The following ABHD18 variants were observed in gnomAD, a reference collection of about 807,000 sequenced individuals.
ABHD18 encodes abhydrolase domain containing 18.
In ABHD18, 55 loss-of-function variants were observed where a neutral mutation model predicts 65.9. That is an observed-to-expected ratio of 0.84 (90% confidence interval 0.67 to 1.05). The LOEUF is 1.05. ABHD18 is among the 50% of genes least tolerant of loss of function. The pLI, the probability that ABHD18 is intolerant of heterozygous loss-of-function variation, is 0.00. For synonymous variants in ABHD18, 181 were observed against 180.2 expected, an observed-to-expected ratio of 1.00 and a Z score of -0.04; for missense variants, 533 against 558.5, an observed-to-expected ratio of 0.95 and a Z score of 0.46.
chr4:127,998,853 T>C (rs1456868792), intron 4 of ABHD18, among the ~76,000 whole-genome samples: 1 of 152,184 alleles, frequency 6.6e-6, no homozygotes, highest in African/African-American at 2.4e-5. Flanking sequence ...AGCTTGTCTT[T>C]AACTCTGCCA....
chr4:128,001,543 A>G (rs551723374), intron 4 of ABHD18, among the ~76,000 whole-genome samples: 2 of 152,282 alleles, frequency 1.3e-5, no homozygotes, highest in South Asian at 2.1e-4. Flanking sequence ...AGCTTCTGAT[A>G]CTTTTTTCAT....
intron 7 of ABHD18, among the ~76,000 whole-genome samples, chr4:128,012,833 A>G (rs1354867573): frequency 6.6e-6 from 1 of 152,092 alleles, no homozygotes; most frequent in Non-Finnish European, 1.5e-5. Context: ...TGGGAGGCCA[A>G]GGTGGGTGGA....
At chr4:128,021,280 G>C in intron 10 of ABHD18, 42 bp downstream of exon 10, 1 of 1,145,740 alleles carries the variant, frequency 8.7e-7, no homozygotes, top group Non-Finnish European at 1.3e-6. Flanking sequence ...GGTGGGGGGA[G>C]TTGATTGTAT....
chr4:127,989,682 A>C (rs767455352), intron 3 of ABHD18, 39 bp from the exon 4 acceptor site: 1 of 1,335,948 alleles, frequency 7.5e-7, no homozygotes, highest in East Asian at 2.5e-5. Flanking sequence ...AAGATATCTT[A>C]GTTTTCTTGC....
chr4:127,974,202 T>G lies in ABHD18; in HGVS notation c.-18+8596T>G, dbSNP rs532683358. On this transcript the variant is annotated intron_variant, in intron 1 of 12. Transcript: ENST00000645843. Reference sequence around the variant, plus strand: ...CCTTAAGTTCTGTTTTTTTTTTTTTTTTTTTTTTTTTTTGAGACAGAGTCT... The same window carrying G: ...CCTTAAGTTCTGTTTTTTTTTTTTTGTTTTTTTTTTTTTGAGACAGAGTCT... 4.5e-4 allele frequency among the ~76,000 whole-genome samples: 65 copies of G among 145,064 alleles called. 1 individual carries two copies. The highest frequency in any genetic ancestry group is 1.3e-3 in the African/African-American group (52 of 39,098).
chr4:128,033,987 T>C (rs1758582905), intron 12 of ABHD18, among the ~76,000 whole-genome samples: 1 of 133,874 alleles, frequency 7.5e-6, no homozygotes, highest in African/African-American at 2.9e-5. Flanking sequence ...TGAGCTGGAG[T>C]CTTGCTTGTC....
At chr4:127,993,878 T>C (rs989980715) in intron 4 of ABHD18, among the ~76,000 whole-genome samples, 1 of 152,238 alleles carries the variant, frequency 6.6e-6, no homozygotes, top group African/African-American at 2.4e-5. Flanking sequence ...CATAAGTTGC[T>C]AAACATGGAA....
At chr4:127,984,254 A>G (rs1749580904) in intron 2 of ABHD18, 85 bp from the exon 3 acceptor site, 1 of 655,314 alleles carries the variant, frequency 1.5e-6, no homozygotes, top group Non-Finnish European at 2.5e-6. Context: ...ATTTTTAATT[A>G]CTGTTAATCA....
At chr4:128,028,389 A>G (rs1386879280) in intron 10 of ABHD18, 86 bp from the exon 11 acceptor site, 11 of 1,012,798 alleles carry the variant, frequency 1.1e-5, no homozygotes, top group East Asian at 2.9e-5. Flanking sequence ...ATTGATGGAC[A>G]TTTGTCTTTT....
intron 8 of ABHD18, among the ~76,000 whole-genome samples, chr4:128,019,700 A>T (rs557752070): frequency 1.3e-5 from 2 of 152,158 alleles, no homozygotes; most frequent in Non-Finnish European, 2.9e-5. Flanking sequence ...TACTCAGTCA[A>T]CCTCAATGGT....
intron 1 of ABHD18, among the ~76,000 whole-genome samples, chr4:127,971,016 A>G (rs1033446902): frequency 4.6e-5 from 7 of 151,642 alleles, no homozygotes; most frequent in Non-Finnish European, 5.9e-5. Flanking sequence ...CGGAGTTTGC[A>G]GTGAGCTGAG....
intron 1 of ABHD18, among the ~76,000 whole-genome samples, chr4:127,967,942 C>A (rs1039443888): frequency 6.6e-6 from 1 of 152,156 alleles, no homozygotes; most frequent in African/African-American, 2.4e-5. Context: ...AAACAAACAG[C>A]CGGGCGCGGT....
At chr4:127,990,289 A>C (rs953965493) in intron 4 of ABHD18, among the ~76,000 whole-genome samples, 1 of 152,206 alleles carries the variant, frequency 6.6e-6, no homozygotes, top group Non-Finnish European at 1.5e-5. Context: ...TAGGTCAAGC[A>C]TGGTGGCTTA....
chr4:128,022,699 T>C (rs1158800233), intron 10 of ABHD18, among the ~76,000 whole-genome samples: 1 of 152,144 alleles, frequency 6.6e-6, no homozygotes, highest in African/African-American at 2.4e-5. Context: ...TGATTTTTTT[T>C]CTGTAATTTA....
At chr4:128,031,480 T>G (rs996036631) in intron 12 of ABHD18, among the ~76,000 whole-genome samples, 2 of 151,976 alleles carry the variant, frequency 1.3e-5, no homozygotes, top group African/African-American at 4.8e-5. Flanking sequence ...AAAAAAAAAT[T>G]TTTTTATGCT....
chr4:128,037,136 A>C lies in ABHD18; in HGVS notation c.*1323A>C, dbSNP rs1758952477. ...TCCATCTCAAAAAAAAAAAAAAAAAAAAAAAAAAATTAAGCCGGGCATGGT... is the reference window on the plus strand; with the variant it reads ...TCCATCTCAAAAAAAAAAAAAAAAACAAAAAAAAATTAAGCCGGGCATGGT... On this transcript the variant is annotated 3_prime_UTR_variant, in exon 13 of 13. Transcript: ENST00000645843. The C allele has an allele frequency of 6.7e-6, 1 of 149,740 alleles. No homozygotes were observed. The highest frequency in any genetic ancestry group is 1.4e-5 in the Non-Finnish European group (1 of 69,056). 9.3% of individuals were successfully genotyped at this position (149,740 alleles called of 1,614,324 possible).
chr4:127,965,744 G>A (rs1745110305), intron 1 of ABHD18, 138 bp downstream of exon 1: 1 of 163,346 alleles, frequency 6.1e-6, no homozygotes, highest in Non-Finnish European at 1.4e-5. Context: ...CGCGGGGTGA[G>A]GCTGGGGGTG....
intron 4 of ABHD18, 110 bp downstream of exon 4, chr4:127,989,931 T>C (rs989711074): frequency 3.6e-4 from 210 of 591,100 alleles, no homozygotes; most frequent in Middle Eastern, 2.2e-3. Context: ...GCCTAAATTA[T>C]TGAAAAGGCT....
At chr4:127,997,529 C>T (rs1386797642) in intron 4 of ABHD18, among the ~76,000 whole-genome samples, 1 of 152,172 alleles carries the variant, frequency 6.6e-6, no homozygotes, top group Non-Finnish European at 1.5e-5. Context: ...TTAGAGTTTC[C>T]TTGAATCTCA....
Sources: allele counts gnomAD v4.1 joint callset (sites outside exome capture counted in the v4.1 genomes callset), GRCh38; gene constraint gnomAD v4.1.1; transcripts MANE v1.5; gene names NCBI Gene and HGNC (gene_info 2026-07-23, HGNC 2026-07-21).